KCNV2: variants seen among roughly 807,000 people sequenced by gnomAD.
The protein encoded by KCNV2 is potassium voltage-gated channel subfamily V member 2.
In KCNV2, 65 loss-of-function variants were observed where a neutral mutation model predicts 37.0. The observed-to-expected ratio is 1.76, with a 90% CI of 1.44 to 2.16. KCNV2 has a LOEUF of 2.16. Among genes scored for constraint, KCNV2 ranks in the 30% most tolerant of loss-of-function variants. The pLI is 0.00. For synonymous variants in KCNV2, 518 were observed against 328.6 expected (o/e 1.58, Z -6.23); for missense variants, 1,232 against 766.7 (o/e 1.61, Z -7.17).
intron 1 of KCNV2, among the ~76,000 whole-genome samples, chr9:2,722,262 T>G (rs1165220922): frequency 2.8e-5 from 4 of 142,474 alleles, no homozygotes; most frequent in Non-Finnish European, 6.1e-5. Context: ...TATTTACAAA[T>G]TAGAAGTTAT....
rs1294050999 is a variant in KCNV2, at chr9:2,717,542, T to A, written c.-198T>A. On this transcript the variant is annotated 5_prime_UTR_variant, in exon 1 of 2. Transcript: ENST00000382082. ...TCAACAGCTGACTGCGTTCAGACCC[T>A]GCAGGCTGGGCTGGCCTGCCCAGGA... 3.2e-6 allele frequency: 2 copies of A among 630,624 alleles called. No homozygotes were observed. The highest frequency in any genetic ancestry group is 5.5e-5 in the East Asian group (2 of 36,288). The allele number at this position is 630,624 out of a possible 1,614,324, so 39.1% of individuals were successfully genotyped here.
In KCNV2 at chr9:2,718,373, G is replaced by A. The variant is rs773434277; in HGVS notation, c.634G>A (p.Glu212Lys). 1.5e-5 allele frequency: 24 copies of A among 1,599,578 alleles called. No homozygotes were observed. The Middle Eastern group carries it at 5.3e-4, about 35-fold the overall frequency. Residue 212 changes from glutamate (E) to lysine (K), a missense_variant, in exon 1 of 2, where the codon GAA (glutamate) becomes AAA (lysine). Physicochemically the swap from Glu to Lys is moderately conservative, Grantham distance 56 (BLOSUM62 1). Coordinates refer to ENST00000382082, the MANE Select transcript of KCNV2 (RefSeq NM_133497.4). Reference sequence around the variant, plus strand: ...CGAGGAGCGGCGCGACGAGCTGAGCGAACGGCTCAAGATCCAGCACGAGCT... The same window carrying A: ...CGAGGAGCGGCGCGACGAGCTGAGCAAACGGCTCAAGATCCAGCACGAGCT... ...CFEERRDELS[E>K]RLKIQHELRA...
chr9:2,729,334 A>G, intron 1 of KCNV2, 112 bp from the exon 2 acceptor site: 1 of 1,184,132 alleles, frequency 8.4e-7, no homozygotes, highest in Non-Finnish European at 1.3e-6. Flanking sequence ...GGAAGCCATT[A>G]CACTTCCCAT....
In KCNV2 at chr9:2,717,926, G is replaced by GAGGAGGACCAGTGGA. The variant is rs1819765516; in HGVS notation, c.192_206dup (p.Glu64_Lys68dup). The stretch of plus-strand genomic sequence containing the variant: ...CATCGAGGAAGACGAAGACGGCGAG[G>GAGGAGGACCAGTGGA]AGGAGGACCAGTGGAAGGACGACCT... On this transcript the variant is annotated inframe_insertion, in exon 1 of 2. Coordinates refer to ENST00000382082, the MANE Select transcript of KCNV2 (RefSeq NM_133497.4). The GAGGAGGACCAGTGGA allele has an allele frequency of 6.2e-7, 1 of 1,614,048 alleles. No homozygotes were observed. The highest frequency in any genetic ancestry group is 2.2e-5 in the East Asian group (1 of 44,878).
Position 2,718,292 on chromosome 9 carries a change from C to A in KCNV2, c.553C>A (p.Leu185Met), listed in dbSNP as rs780435673. 1.7e-5 allele frequency: 28 copies of A among 1,610,632 alleles called. No homozygotes were observed. The highest frequency in any genetic ancestry group is 3.3e-5 in the Admixed American group (2 of 59,840). Residue 185 changes from leucine (L) to methionine (M), a missense_variant, in exon 1 of 2, where the codon CTG (leucine) becomes ATG (methionine). Coordinates refer to ENST00000382082, the MANE Select transcript of KCNV2 (RefSeq NM_133497.4). ...GLCPRRFLEE[L>M]GYWGVRLKYT... ...GTGTCCGCGCCGCTTCCTGGAGGAG[C>A]TGGGCTACTGGGGCGTGCGGCTCAA...
intron 1 of KCNV2, among the ~76,000 whole-genome samples, chr9:2,728,883 AAAAAAAAAAAAAAG>A (rs1470497901): frequency 1.9e-4 from 25 of 132,704 alleles, no homozygotes; most frequent in African/African-American, 6.8e-4. Flanking sequence ...GTTTTAAATA[AAAAAAAAAAAAAAG>A]AAAAAAAGAA....
chr9:2,718,676 T>C lies in KCNV2; in HGVS notation c.937T>C (p.Phe313Leu). The C allele has an allele frequency of 1.2e-6, 2 of 1,613,356 alleles. No homozygotes were observed. Among genetic ancestry groups the C allele is most frequent in the South Asian group, 1.1e-5 (1 of 91,090 alleles). Residue 313 changes from phenylalanine (F) to leucine (L), a missense_variant, in exon 1 of 2, where the codon TTC becomes CTC. Physicochemically the swap from Phe to Leu is conservative, Grantham distance 22 (BLOSUM62 0). Coordinates refer to ENST00000382082, the MANE Select transcript of KCNV2 (RefSeq NM_133497.4). ...EHVEMLCMGF[F>L]TLEYLLRLAS... ...CGTGGAGATGCTGTGCATGGGCTTC[T>C]TCACGCTCGAGTACCTGCTGCGCCT...
In KCNV2 at chr9:2,718,905, A is replaced by G. The variant is rs150231850; in HGVS notation, c.1166A>G (p.Lys389Arg). The change falls in exon 1 of 2, where the codon AAG (lysine) becomes AGG (arginine). Residue 389 changes from lysine to arginine, a missense_variant. Physicochemically the swap from Lys to Arg is conservative, Grantham distance 26. Coordinates refer to ENST00000382082, the MANE Select transcript of KCNV2 (RefSeq NM_133497.4). Reference protein sequence around the residue: ...MRLMRIFRILKLARHSTGLRA... With the variant: ...MRLMRIFRILRLARHSTGLRA... ...CTCATGCGCATCTTCCGCATCCTCA[A>G]GCTGGCGCGCCACTCCACCGGACTG... 7 of 1,609,052 alleles carry G rather than the reference A, an allele frequency of 4.4e-6. No individual in the cohort carries two copies. The highest frequency in any genetic ancestry group is 5.9e-6 in the Non-Finnish European group (7 of 1,179,996).
chr9:2,722,400 T>C (rs1250342474), intron 1 of KCNV2, among the ~76,000 whole-genome samples: 2 of 140,134 alleles, frequency 1.4e-5, no homozygotes, highest in Non-Finnish European at 3.0e-5. Context: ...TTAGAAGTTA[T>C]TTATAAATAA....
At chr9:2,719,431 C>A (rs1819821244) in intron 1 of KCNV2, among the ~76,000 whole-genome samples, 1 of 152,062 alleles carries the variant, frequency 6.6e-6, no homozygotes, top group Non-Finnish European at 1.5e-5. Flanking sequence ...CAAAGCTTAT[C>A]TCATTGTGGC....
In KCNV2 at chr9:2,717,950, C is replaced by A. The variant is rs1430683520; in HGVS notation, c.211C>A (p.Leu71Met). 1 of 1,614,016 alleles carries A rather than the reference C, an allele frequency of 6.2e-7. No individual in the cohort carries two copies. The highest frequency in any genetic ancestry group is 1.7e-5 in the Admixed American group (1 of 60,014). The change falls in exon 1 of 2, where the codon CTG (leucine) becomes ATG (methionine). Residue 71 changes from leucine (L) to methionine (M), a missense_variant. Coordinates refer to ENST00000382082, the MANE Select transcript of KCNV2 (RefSeq NM_133497.4). ...GGAGGAGGACCAGTGGAAGGACGAC[C>A]TGGCAGAAGAGGACCAGCAGGCAGG... is the stretch of plus-strand genomic sequence containing the variant. ...GEEEDQWKDD[L>M]AEEDQQAGEV... is the part of the protein sequence containing the mutation.
rs1347428321 is a variant in KCNV2, at chr9:2,719,036, G to A, written c.1297G>A (p.Glu433Lys). 2 of 1,612,688 alleles carry A rather than the reference G, an allele frequency of 1.2e-6. No homozygotes were observed. Among genetic ancestry groups the A allele is most frequent in the African/African-American group, 2.7e-5 (2 of 74,922 alleles). The change falls in exon 1 of 2, where the codon GAG (glutamate) becomes AAG (lysine). Residue 433 changes from glutamate (E) to lysine (K), a missense_variant. Glu to Lys is a moderately conservative substitution (Grantham distance 56). Coordinates refer to ENST00000382082, the MANE Select transcript of KCNV2 (RefSeq NM_133497.4). ...FTFSAAVYSV[E>K]HDVPSTNFTT... ...TTTCTCTGCGGCTGTCTACTCTGTG[G>A]AGCACGATGTGCCCAGCACCAACTT...
In KCNV2 at chr9:2,718,408, G is replaced by A. The variant is rs1819784762; in HGVS notation, c.669G>A (p.Gln223=). 5.6e-6 allele frequency: 9 copies of A among 1,603,116 alleles called. No homozygotes were observed. The highest frequency in any genetic ancestry group is 1.3e-5 in the African/African-American group (1 of 74,986). ...RLKIQHELRA[Q]AQVEEAEELF... Reference sequence around the variant, plus strand: ...AGATCCAGCACGAGCTGCGCGCGCAGGCGCAGGTCGAGGAGGCGGAGGAAC... The same window carrying A: ...AGATCCAGCACGAGCTGCGCGCGCAAGCGCAGGTCGAGGAGGCGGAGGAAC... Residue 223 remains glutamine, a synonymous_variant, in exon 1 of 2, where the codon CAG becomes CAA. Coordinates refer to ENST00000382082, the MANE Select transcript of KCNV2 (RefSeq NM_133497.4).
At chr9:2,726,828 C>G (rs781528964) in intron 1 of KCNV2, among the ~76,000 whole-genome samples, 1 of 152,116 alleles carries the variant, frequency 6.6e-6, no homozygotes, top group East Asian at 1.9e-4. Flanking sequence ...TCAACCACAG[C>G]GTTAGATTCT....
Position 2,717,721 on chromosome 9 carries a change from G to C in KCNV2, c.-19G>C, listed in dbSNP as rs775888664. 2.5e-6 allele frequency: 4 copies of C among 1,614,030 alleles called. No homozygotes were observed. In the East Asian group the frequency reaches 8.9e-5, roughly 36 times the overall value. On this transcript the variant is annotated 5_prime_UTR_variant, in exon 1 of 2. Transcript: ENST00000382082. ...ACCACAGCCAGGAGGAAAAAGCTAG[G>C]CGTCCACTTTCCGCAGCCATGCTCA...
In KCNV2 at chr9:2,718,754, G is replaced by T; in HGVS notation, c.1015G>T (p.Asp339Tyr). ...CGCGCGCAGCGCCCTCAACCTGGTG[G>T]ACCTGGTGGCCATCCTGCCGCTCTA... ...RFARSALNLV[D>Y]LVAILPLYLQ... Residue 339 changes from aspartate (D) to tyrosine (Y), a missense_variant, in exon 1 of 2, where the codon GAC becomes TAC. Transcript: ENST00000382082. 1.2e-6 allele frequency: 2 copies of T among 1,611,676 alleles called. No homozygotes were observed.
At chr9:2,727,572 G>A (rs562940782) in intron 1 of KCNV2, among the ~76,000 whole-genome samples, 4 of 152,248 alleles carry the variant, frequency 2.6e-5, no homozygotes, top group African/African-American at 9.6e-5. Flanking sequence ...GAGTCAGGGA[G>A]GAGCTTGTTT....
chr9:2,717,586 C>A lies in KCNV2; in HGVS notation c.-154C>A, dbSNP rs1284093079. ...CCCAGGACCTGAGAAGGGGCAGCTC[C>A]GGTGGCAATGTCTGAGCCCCTAGCT... On this transcript the variant is annotated 5_prime_UTR_variant, in exon 1 of 2. Transcript: ENST00000382082. 10 of 919,754 alleles carry A rather than the reference C, an allele frequency of 1.1e-5. 1 individual carries two copies. In the Admixed American group the frequency reaches 1.9e-4, roughly 18 times the overall value. The allele number at this position is 919,754 out of a possible 1,614,324, so 57.0% of individuals were successfully genotyped here. A position where few individuals can be genotyped will look rare whatever the true frequency, so the allele number is the denominator to read the frequency against.
rs576345571 is a variant in KCNV2 at position 2,718,379 on chromosome 9, C to G, written c.640C>G (p.Leu214Val). The G allele has an allele frequency of 3.1e-6, 5 of 1,600,888 alleles. No homozygotes were observed. The highest frequency in any genetic ancestry group is 4.3e-6 in the Non-Finnish European group (5 of 1,175,238). ...GCGGCGCGACGAGCTGAGCGAACGG[C>G]TCAAGATCCAGCACGAGCTGCGCGC... The part of the protein sequence containing the change: ...EERRDELSER[L>V]KIQHELRAQA... Residue 214 changes from leucine (L) to valine (V), a missense_variant, in exon 1 of 2, where the codon CTC (leucine) becomes GTC (valine). Transcript: ENST00000382082.
Sources: gnomAD v4.1 joint callset for allele counts (sites outside exome capture counted in the v4.1 genomes callset) on GRCh38, gnomAD v4.1.1 for gene constraint, MANE v1.5 for transcripts, NCBI Gene and HGNC (gene_info 2026-07-23, HGNC 2026-07-21) for gene names.